NTM: variants seen among roughly 807,000 people sequenced by gnomAD.
NTM encodes neurotrimin.
Under a neutral mutation model 42.1 loss-of-function variants are expected in NTM, and 13 were observed. That is an observed-to-expected ratio of 0.31 (90% CI 0.20 to 0.49). NTM has a LOEUF of 0.49. Ranked by LOEUF, NTM falls within the 20% of genes least tolerant of loss-of-function variation. The pLI is 0.99. For missense variants in NTM, 373 were observed against 452.8 expected (o/e 0.82, Z 1.60); for synonymous variants, 187 against 179.2 (o/e 1.04, Z -0.35).
intron 1 of NTM, among the ~76,000 whole-genome samples, chr11:131,667,300 C>T (rs1227713949): frequency 2.0e-5 from 3 of 152,184 alleles, no homozygotes. Flanking sequence ...TGCCGTAGTC[C>T]TTACTCCTTC....
intron 4 of NTM, among the ~76,000 whole-genome samples, chr11:132,271,586 T>A (rs765998941): frequency 6.6e-6 from 1 of 152,130 alleles, no homozygotes; most frequent in Non-Finnish European, 1.5e-5. Context: ...ATTATAGCCA[T>A]CCTAGTGGGG....
chr11:132,285,812 C>T (rs1356229565), intron 4 of NTM, among the ~76,000 whole-genome samples: 1 of 152,210 alleles, frequency 6.6e-6, no homozygotes, highest in African/African-American at 2.4e-5. Flanking sequence ...GTCTGCCTCT[C>T]CTAGCCTTGA....
chr11:131,572,510 T>C (rs541527062), intron 1 of NTM, among the ~76,000 whole-genome samples: 112 of 152,322 alleles, frequency 7.4e-4, no homozygotes, highest in African/African-American at 2.6e-3. Flanking sequence ...TACCTGGCTA[T>C]GCCTTTTGAC....
intron 1 of NTM, among the ~76,000 whole-genome samples, chr11:131,679,032 T>C (rs1262466027): frequency 6.6e-6 from 1 of 152,230 alleles, no homozygotes; most frequent in Non-Finnish European, 1.5e-5. Flanking sequence ...CTGGAGAAAG[T>C]GCTCACAGAG....
chr11:131,576,358 T>C (rs1050219583), intron 1 of NTM, among the ~76,000 whole-genome samples: 3 of 152,206 alleles, frequency 2.0e-5, no homozygotes, highest in African/African-American at 7.2e-5. Context: ...GCACAGAAGA[T>C]AAAGCTCTTC....
intron 2 of NTM, among the ~76,000 whole-genome samples, chr11:131,997,530 G>C (rs1194428828): frequency 6.6e-6 from 1 of 152,168 alleles, no homozygotes; most frequent in East Asian, 1.9e-4. Context: ...CGGGCAGTGG[G>C]TTTGCAGGCA....
At chr11:132,276,914 C>T (rs1299711155) in intron 4 of NTM, among the ~76,000 whole-genome samples, 2 of 152,138 alleles carry the variant, frequency 1.3e-5, no homozygotes, top group African/African-American at 4.8e-5. Flanking sequence ...TAGGGGTGGT[C>T]TTAGGGACTC....
In NTM at chr11:131,424,558, C is replaced by CTAGTTT. The variant is rs1269127858; in HGVS notation, c.82+53671_82+53676dup. ...CAGGAGCATGCTGATAAGTTACCGT[C>CTAGTTT]TAGTTTGCAATTGCTTAGTTGTTTT... is the stretch of plus-strand genomic sequence containing the variant. On this transcript the variant is annotated intron_variant, in intron 1 of 8. Coordinates refer to ENST00000683400, the MANE Select transcript of NTM (RefSeq NM_001352005.2). 6.1e-5 allele frequency among the ~76,000 whole-genome samples: 8 copies of CTAGTTT among 131,132 alleles called. No individual in the cohort carries two copies. In the South Asian group the frequency reaches 2.1e-3, roughly 34 times the overall value. The allele number at this position is 131,132 out of a possible 152,430, so 86.0% of individuals were successfully genotyped here.
chr11:131,725,107 T>G (rs1434951420), intron 1 of NTM, among the ~76,000 whole-genome samples: 2 of 152,124 alleles, frequency 1.3e-5, no homozygotes, highest in Non-Finnish European at 2.9e-5. Flanking sequence ...AGATGGGGGA[T>G]GCCTGTTCAT....
At chr11:132,162,824 TTGTG>T (rs1297339616) in intron 3 of NTM, among the ~76,000 whole-genome samples, 1 of 148,390 alleles carries the variant, frequency 6.7e-6, no homozygotes, top group Non-Finnish European at 1.5e-5. Flanking sequence ...GTATGTGATC[TTGTG>T]TGTGTGTTTG....
chr11:131,426,608 G>C (rs767074291), intron 1 of NTM, among the ~76,000 whole-genome samples: 1 of 152,036 alleles, frequency 6.6e-6, no homozygotes, highest in Admixed American at 6.6e-5. Flanking sequence ...GCTGCATTTC[G>C]GCGGCTCTTA....
intron 4 of NTM, among the ~76,000 whole-genome samples, chr11:132,297,610 C>G (rs924606637): frequency 6.6e-6 from 1 of 152,242 alleles, no homozygotes; most frequent in African/African-American, 2.4e-5. Flanking sequence ...TATTTCACTT[C>G]CCATCCTCCA....
chr11:131,955,805 A>G (rs566813807), intron 2 of NTM, among the ~76,000 whole-genome samples: 10 of 152,136 alleles, frequency 6.6e-5, no homozygotes, highest in African/African-American at 2.4e-4. Context: ...TGACTCCAAA[A>G]TTGCCTTCTC....
intron 1 of NTM, among the ~76,000 whole-genome samples, chr11:131,387,721 C>G (rs1354618154): frequency 6.6e-6 from 1 of 152,148 alleles, no homozygotes; most frequent in Non-Finnish European, 1.5e-5. Flanking sequence ...AGCAAAATAT[C>G]ACAGGTACCC....
chr11:132,298,647 A>T (rs1188983393), intron 4 of NTM, among the ~76,000 whole-genome samples: 3 of 152,202 alleles, frequency 2.0e-5, no homozygotes, highest in Non-Finnish European at 2.9e-5. Context: ...CTTTCTTATA[A>T]TTACACTTTA....
chr11:131,681,135 A>C (rs111211564), intron 1 of NTM, among the ~76,000 whole-genome samples: 1,184 of 14,588 alleles, frequency 0.081, 305 homozygotes, highest in African/African-American at 0.2. Flanking sequence ...GTTTCTGTGT[A>C]TGTATGTTTC....
chr11:132,083,921 C>A (rs1352720496), intron 2 of NTM, among the ~76,000 whole-genome samples: 1 of 151,524 alleles, frequency 6.6e-6, no homozygotes, highest in African/African-American at 2.4e-5. Context: ...TTATTAAAGA[C>A]TTTAAATAGT....
intron 2 of NTM, among the ~76,000 whole-genome samples, chr11:131,975,868 A>C (rs560033327): frequency 7.2e-5 from 11 of 152,212 alleles, no homozygotes; most frequent in Non-Finnish European, 1.6e-4. Flanking sequence ...ATTTCCTGTC[A>C]TTTATTCTGG....
At chr11:132,185,104 T>C (rs2078191110) in intron 3 of NTM, among the ~76,000 whole-genome samples, 1 of 152,188 alleles carries the variant, frequency 6.6e-6, no homozygotes, top group African/African-American at 2.4e-5. Context: ...GCTATAGAAA[T>C]AGAACTTTAA....
Sources: allele counts gnomAD v4.1 joint callset (sites outside exome capture counted in the v4.1 genomes callset), GRCh38; gene constraint gnomAD v4.1.1; transcripts MANE v1.5; gene names NCBI Gene and HGNC (gene_info 2026-07-23, HGNC 2026-07-21).